The following CPSF6 variants were observed in gnomAD, a reference collection of about 807,000 sequenced individuals.
The protein encoded by CPSF6 is cleavage and polyadenylation specificity factor subunit 6.
Under a neutral mutation model 56.7 loss-of-function variants are expected in CPSF6, and 10 were observed. The ratio of observed to expected loss-of-function variants is 0.18; its 90% CI spans 0.11 to 0.30. The LOEUF (loss-of-function observed/expected upper bound fraction) is 0.30, where lower values mean the gene tolerates loss of function less well. Ranked by LOEUF, CPSF6 falls within the 10% of genes least tolerant of loss-of-function variation. The pLI is 1.00. For missense variants in CPSF6, 419 were observed against 722.9 expected (o/e 0.58, Z 4.82); for synonymous variants, 248 against 244.8 (o/e 1.01, Z -0.12).
chr12:69,246,437 G>A (rs1871910328), intron 1 of CPSF6, among the ~76,000 whole-genome samples: 1 of 152,100 alleles, frequency 6.6e-6, no homozygotes, highest in Non-Finnish European at 1.5e-5. Flanking sequence ...TCTCTATTTT[G>A]TTATTTATGG....
intron 1 of CPSF6, 67 bp downstream of exon 1, chr12:69,239,773 C>T: frequency 7.0e-7 from 1 of 1,434,864 alleles, no homozygotes; most frequent in Non-Finnish European, 9.2e-7. Flanking sequence ...TGACCCGGGG[C>T]CCGCTGCGGC....
chr12:69,256,495 T>C (rs1872516336), intron 3 of CPSF6, among the ~76,000 whole-genome samples: 1 of 152,102 alleles, frequency 6.6e-6, no homozygotes, highest in South Asian at 2.1e-4. Context: ...GTAGTGTGAT[T>C]ATAGGTTACT....
At chr12:69,257,416 A>C (rs12296510) in intron 4 of CPSF6, among the ~76,000 whole-genome samples, 6,735 of 152,302 alleles carry the variant, frequency 0.044, 482 homozygotes, top group African/African-American at 0.14. Context: ...TGTGTTACAA[A>C]ATTTAAATGA....
At chr12:69,262,631 G>A in intron 9 of CPSF6, 69 bp downstream of exon 9, 1 of 1,502,984 alleles carries the variant, frequency 6.7e-7, no homozygotes, top group South Asian at 1.3e-5. Context: ...CAAGGCTACT[G>A]TTTATACAGT....
intron 9 of CPSF6, among the ~76,000 whole-genome samples, chr12:69,265,904 T>C (rs537152757): frequency 6.6e-6 from 1 of 152,020 alleles, no homozygotes; most frequent in Non-Finnish European, 1.5e-5. Context: ...CCGCGCCCAG[T>C]CTAGTCTGAT....
chr12:69,262,644 A>G, intron 9 of CPSF6, 82 bp downstream of exon 9: 5 of 1,311,854 alleles, frequency 3.8e-6, no homozygotes, highest in Non-Finnish European at 5.0e-6. Context: ...TATACAGTAT[A>G]TACCTACATT....
rs1873395684 is a variant in CPSF6, at chr12:69,274,147, C to A, written c.*4639C>A. On this transcript the variant is annotated 3_prime_UTR_variant, in exon 10 of 10. Coordinates refer to ENST00000435070, the MANE Select transcript of CPSF6 (RefSeq NM_007007.3). ...TTTTTTGCTGTCCATGAGAATTAGACTTCATATTAGCTTCAATTAAAAAGC... is the reference window on the plus strand; with the variant it reads ...TTTTTTGCTGTCCATGAGAATTAGAATTCATATTAGCTTCAATTAAAAAGC... 8.1e-6 allele frequency: 1 copy of A among 122,712 alleles called. No homozygotes were observed. Among genetic ancestry groups the A allele is most frequent in the Non-Finnish European group, 1.6e-5 (1 of 61,784 alleles). The allele number at this position is 122,712 out of a possible 1,614,324, so 7.6% of individuals were successfully genotyped here. A position where few individuals can be genotyped will look rare whatever the true frequency, so the allele number is the denominator to read the frequency against.
chr12:69,262,202 T>G (rs907764447), intron 8 of CPSF6, 171 bp from the exon 9 acceptor site: 1 of 354,632 alleles, frequency 2.8e-6, no homozygotes, highest in African/African-American at 2.2e-5. Flanking sequence ...AAATTTCTGG[T>G]TCATGCTTAC....
At chr12:69,268,876 G>C (rs1244578848) in intron 9 of CPSF6, among the ~76,000 whole-genome samples, 1 of 151,792 alleles carries the variant, frequency 6.6e-6, no homozygotes, top group East Asian at 1.9e-4. Context: ...AGGTGGAATA[G>C]ACTAAAAGTA....
chr12:69,265,598 C>CTTTT (rs56097101), intron 9 of CPSF6, among the ~76,000 whole-genome samples: 1 of 99,800 alleles, frequency 1.0e-5, no homozygotes, highest in Non-Finnish European at 2.0e-5. Flanking sequence ...TATCTGATTA[C>CTTTT]TTTTTTTTTT....
intron 1 of CPSF6, among the ~76,000 whole-genome samples, chr12:69,241,536 T>C (rs769687894): frequency 6.6e-6 from 1 of 152,214 alleles, no homozygotes; most frequent in Non-Finnish European, 1.5e-5. Context: ...TTAAGCTTTT[T>C]TCAGTACCTC....
chr12:69,259,761 C>T (rs960342909), intron 7 of CPSF6, among the ~76,000 whole-genome samples: 13 of 152,180 alleles, frequency 8.5e-5, no homozygotes, highest in African/African-American at 3.1e-4. Flanking sequence ...AGATTTAAGT[C>T]TTACCCTTGA....
rs1012433909 is a variant in CPSF6 at position 69,274,211 on chromosome 12, G to A, written c.*4703G>A. The A allele has an allele frequency of 7.3e-6, 1 of 136,934 alleles. No individual in the cohort carries two copies. Among genetic ancestry groups the A allele is most frequent in the Admixed American group, 7.8e-5 (1 of 12,814 alleles). 8.5% of individuals were successfully genotyped at this position (136,934 alleles called of 1,614,324 possible). On this transcript the variant is annotated 3_prime_UTR_variant, in exon 10 of 10. Coordinates refer to ENST00000435070, the MANE Select transcript of CPSF6 (RefSeq NM_007007.3). ...TTAAAATGTTTGTAATTGCAATTTT[G>A]TGTTTAATGTTTACTTTGTCTTTCC...
At chr12:69,265,188 T>C (rs985803410) in intron 9 of CPSF6, among the ~76,000 whole-genome samples, 1 of 152,210 alleles carries the variant, frequency 6.6e-6, no homozygotes, top group Admixed American at 6.5e-5. Flanking sequence ...ATAGATAATA[T>C]TTTAATGAGA....
At position 69,269,894 on chromosome 12, in the gene CPSF6, C is replaced by T. The variant is rs1873162630; in HGVS notation, c.*386C>T. ...ATGATAATGTCTGTAAACAGCATCA[C>T]TTTGATTACAATAGATGTAGTGTTG... On this transcript the variant is annotated 3_prime_UTR_variant, in exon 10 of 10. Coordinates refer to ENST00000435070, the MANE Select transcript of CPSF6 (RefSeq NM_007007.3). 1 of 169,688 alleles carries T rather than the reference C, an allele frequency of 5.9e-6. No homozygotes were observed. Among genetic ancestry groups the T allele is most frequent in the South Asian group, 1.3e-4 (1 of 7,606 alleles). The allele number at this position is 169,688 out of a possible 1,614,324, so 10.5% of individuals were successfully genotyped here.
rs1872328759 is a variant in CPSF6, at chr12:69,253,108, T to C, written c.328T>C (p.Leu110=). The C allele has an allele frequency of 1.9e-6, 3 of 1,601,720 alleles. No individual in the cohort carries two copies. The highest frequency in any genetic ancestry group is 4.5e-5 in the East Asian group (2 of 44,364). ...AVHSLGVNDI[L]EIKFFENRAN... is the part of the protein sequence containing the mutation. The stretch of plus-strand genomic sequence containing the variant: ...TCATTCTTTGGGAGTAAATGATATT[T>C]TGGAGATAAAATTTTTTGAAAATCG... The change falls in exon 3 of 10, where the codon TTG becomes CTG. Residue 110 remains leucine (L), a synonymous_variant. Coordinates refer to ENST00000435070, the MANE Select transcript of CPSF6 (RefSeq NM_007007.3).
intron 1 of CPSF6, among the ~76,000 whole-genome samples, chr12:69,250,655 G>T (rs199962335): frequency 6.6e-4 from 96 of 145,328 alleles, no homozygotes; most frequent in East Asian, 1.8e-3. Flanking sequence ...TTGTTTTTTT[G>T]TTTTTTTTTG....
In CPSF6 at chr12:69,253,216, C is replaced by G. The variant is rs1274995704; in HGVS notation, c.374+62C>G. 5.8e-6 allele frequency: 5 copies of G among 865,372 alleles called. No individual in the cohort carries two copies. The African/African-American group carries it at 8.6e-5, about 15-fold the overall frequency. The allele number at this position is 865,372 out of a possible 1,614,324, so 53.6% of individuals were successfully genotyped here. On this transcript the variant is annotated intron_variant, in intron 3 of 9. Transcript: ENST00000435070. ...TAGTGATACAGTTTTTACAAGTTAA[C>G]TTTCCTTTAAGTTAATGTTAATTAC...
intron 3 of CPSF6, among the ~76,000 whole-genome samples, chr12:69,256,346 T>C (rs1342627560): frequency 3.3e-5 from 5 of 152,258 alleles, no homozygotes; most frequent in Admixed American, 6.5e-5. Context: ...GAATTATATA[T>C]TTTGAATGAC....
Sources: gnomAD v4.1 joint callset for allele counts (sites outside exome capture counted in the v4.1 genomes callset) on GRCh38, gnomAD v4.1.1 for gene constraint, MANE v1.5 for transcripts, NCBI Gene and HGNC (gene_info 2026-07-23, HGNC 2026-07-21) for gene names.